Variants in NID1 observed in about 807,000 individuals in gnomAD.
NID1 encodes nidogen-1.
Under a neutral mutation model 130.6 loss-of-function variants are expected in NID1, and 76 were observed. The observed-to-expected ratio is 0.58, with a 90% confidence interval of 0.48 to 0.70. The LOEUF (loss-of-function observed/expected upper bound fraction) is 0.70, where lower values mean the gene tolerates loss of function less well. Ranked by LOEUF, NID1 falls within the 30% of genes least tolerant of loss-of-function variation. NID1 has a pLI of 0.00. For synonymous variants in NID1, 665 were observed against 675.1 expected, an observed-to-expected ratio of 0.98 and a Z score of 0.23; for missense variants, 1,517 against 1,664.8, an observed-to-expected ratio of 0.91 and a Z score of 1.54.
At chr1:235,991,285 G>A (rs1657730811) in intron 13 of NID1, among the ~76,000 whole-genome samples, 1 of 152,176 alleles carries the variant, frequency 6.6e-6, no homozygotes, top group Non-Finnish European at 1.5e-5. Context: ...GAGCACTGAT[G>A]AAGAAGGTAA....
At chr1:236,038,854 T>C (rs1478290149) in intron 4 of NID1, among the ~76,000 whole-genome samples, 1 of 128,902 alleles carries the variant, frequency 7.8e-6, no homozygotes, top group Non-Finnish European at 1.5e-5. Flanking sequence ...TTACCTATGT[T>C]ATATAGGTCA....
chr1:235,978,931 G>T, intron 19 of NID1, 64 bp downstream of exon 19: 1 of 1,105,146 alleles, frequency 9.0e-7, no homozygotes, highest in Non-Finnish European at 1.4e-6. Flanking sequence ...GTAGCAGCCA[G>T]AGTGTGGGCT....
intron 1 of NID1, among the ~76,000 whole-genome samples, chr1:236,064,156 C>T (rs1219793415): frequency 3.9e-5 from 6 of 152,188 alleles, no homozygotes; most frequent in African/African-American, 1.4e-4. Context: ...AAGTTGACAG[C>T]GACCCCAGGC....
intron 11 of NID1, 144 bp downstream of exon 11, chr1:236,013,267 T>C: frequency 1.1e-5 from 10 of 878,646 alleles, no homozygotes; most frequent in South Asian, 1.7e-5. Flanking sequence ...TAGAGAGATA[T>C]AAAAAGCAAC....
chr1:236,044,529 C>T (rs1659544470), intron 3 of NID1, among the ~76,000 whole-genome samples: 1 of 152,140 alleles, frequency 6.6e-6, no homozygotes, highest in Non-Finnish European at 1.5e-5. Flanking sequence ...ATTTACATCA[C>T]AGAAACAGGC....
chr1:235,978,055 T>G, intron 19 of NID1, 67 bp from the exon 20 acceptor site: 4 of 1,568,008 alleles, frequency 2.6e-6, no homozygotes, highest in Non-Finnish European at 3.5e-6. Context: ...TTTAAGATAG[T>G]GGGCTCCTTC....
In NID1 at chr1:235,979,968, A is replaced by C. The variant is rs764040797; in HGVS notation, c.3386-23T>G. 1 of 1,612,512 alleles carries C rather than the reference A, an allele frequency of 6.2e-7. No individual in the cohort carries two copies. Among genetic ancestry groups the C allele is most frequent in the Non-Finnish European group, 8.5e-7 (1 of 1,178,998 alleles). ...TGCCTGTGTGGAGTGGAAACAATTC[A>C]TTCATTGTTCACACAAGAAATGGCC... On this transcript the variant is annotated intron_variant, in intron 17 of 19. Transcript: ENST00000264187. The surrounding 1 kb of genome is among the most constrained non-coding windows in gnomAD (Gnocchi z 4.6).
chr1:236,034,526 G>T (rs539467261), intron 5 of NID1, among the ~76,000 whole-genome samples: 1 of 151,944 alleles, frequency 6.6e-6, no homozygotes, highest in Middle Eastern at 3.2e-3. Flanking sequence ...CTAAGGGAAA[G>T]AAGTCAGACA....
chr1:235,978,232 A>T (rs1482515624), intron 19 of NID1, among the ~76,000 whole-genome samples: 1 of 152,264 alleles, frequency 6.6e-6, no homozygotes, highest in Admixed American at 6.5e-5. Flanking sequence ...CAGATTTTCT[A>T]CTAAGGCTAT....
intron 9 of NID1, 98 bp from the exon 10 acceptor site, chr1:236,017,371 A>C: frequency 7.4e-7 from 1 of 1,358,878 alleles, no homozygotes; most frequent in East Asian, 2.4e-5. Flanking sequence ...GAATAGATCA[A>C]TTTTAAAACA....
intron 1 of NID1, among the ~76,000 whole-genome samples, chr1:236,063,418 G>A (rs139206298): frequency 6.6e-6 from 1 of 150,468 alleles, no homozygotes; most frequent in Non-Finnish European, 1.5e-5. Flanking sequence ...GTTGCAGTGA[G>A]CTGAGATTGT....
rs374023814 is a variant in NID1 at position 236,048,911 on chromosome 1, C to T, written c.304G>A (p.Gly102Ser). The part of the protein sequence containing the change: ...SHPGLFPPTF[G>S]AVAPFLADLD... ...TCCGCCAGGAAAGGGGCGACTGCACCGAATGTTGGTGGGAAGAGCCCGGGA... is the reference window on the plus strand; with the variant it reads ...TCCGCCAGGAAAGGGGCGACTGCACTGAATGTTGGTGGGAAGAGCCCGGGA... Residue 102 changes from glycine (G) to serine (S), a missense_variant, in exon 2 of 20, where the codon GGT becomes AGT. By Grantham distance (56) the Gly-to-Ser change is moderately conservative. Around this residue, in one of 3 missense-constraint regions of NID1, gnomAD observed 1,329 missense variants for 1,429.2 expected, o/e 0.93. Coordinates refer to ENST00000264187, the MANE Select transcript of NID1 (RefSeq NM_002508.3). 25 of 1,613,856 alleles carry T rather than the reference C, an allele frequency of 1.5e-5. No individual in the cohort carries two copies. Among genetic ancestry groups the T allele is most frequent in the South Asian group, 9.9e-5 (9 of 91,044 alleles).
chr1:236,029,886 G>A (rs1038415899), intron 6 of NID1, 136 bp from the exon 7 acceptor site: 12 of 755,308 alleles, frequency 1.6e-5, no homozygotes, highest in Non-Finnish European at 2.7e-5. Flanking sequence ...ACATAGAACT[G>A]GTGACACTGA....
chr1:236,030,881 A>T (rs1659078716), intron 6 of NID1, among the ~76,000 whole-genome samples: 1 of 152,198 alleles, frequency 6.6e-6, no homozygotes, highest in South Asian at 2.1e-4. Context: ...AAATAGCACC[A>T]ATATAAATTA....
At chr1:235,984,710 T>C (rs1439459914) in intron 15 of NID1, among the ~76,000 whole-genome samples, 1 of 152,136 alleles carries the variant, frequency 6.6e-6, no homozygotes, top group Non-Finnish European at 1.5e-5. Flanking sequence ...TTCAGCACAG[T>C]GGAATTTTTA....
chr1:236,046,625 G>A (rs1659609974), intron 2 of NID1, among the ~76,000 whole-genome samples: 1 of 152,090 alleles, frequency 6.6e-6, no homozygotes, highest in Non-Finnish European at 1.5e-5. Flanking sequence ...AAGAGCAAGG[G>A]CAAGGTCAGG....
chr1:236,061,953 G>A (rs573826011), intron 1 of NID1, among the ~76,000 whole-genome samples: 3 of 152,242 alleles, frequency 2.0e-5, no homozygotes, highest in Admixed American at 6.5e-5. Context: ...TCGAGAAATC[G>A]GAACCCTCAT....
intron 9 of NID1, among the ~76,000 whole-genome samples, chr1:236,023,746 A>T (rs935984646): frequency 6.6e-6 from 1 of 152,202 alleles, no homozygotes; most frequent in Non-Finnish European, 1.5e-5. Flanking sequence ...TGGGTAAATT[A>T]TAGCTATTGT....
At position 236,029,646 on chromosome 1, in the gene NID1, T is replaced by C; in HGVS notation, c.1642A>G (p.Ile548Val). Residue 548 changes from isoleucine (I) to valine (V), a missense_variant, in exon 7 of 20, where the codon ATC (isoleucine) becomes GTC (valine). Around this residue, in one of 3 missense-constraint regions of NID1, gnomAD observed 1,329 missense variants for 1,429.2 expected, o/e 0.93. Transcript: ENST00000264187. Reference sequence around the variant, plus strand: ...ACGCGGCCCTCCAGCTCCGTGTCGATGGTCAGGTGCCCATGCTCATCGATG... The same window carrying C: ...ACGCGGCCCTCCAGCTCCGTGTCGACGGTCAGGTGCCCATGCTCATCGATG... Reference protein sequence around the residue: ...SGIDEHGHLTIDTELEGRVPQ... With the variant: ...SGIDEHGHLTVDTELEGRVPQ... 2 of 1,613,492 alleles carry C rather than the reference T, an allele frequency of 1.2e-6. No homozygotes were observed. The highest frequency in any genetic ancestry group is 1.7e-6 in the Non-Finnish European group (2 of 1,179,856).
Sources: gnomAD v4.1 joint callset for allele counts (sites outside exome capture counted in the v4.1 genomes callset) on GRCh38, gnomAD v4.1.1 for gene constraint, gnomAD v4.1.1 regional missense constraint, Gnocchi (gnomAD v3.1) non-coding constraint, MANE v1.5 for transcripts, NCBI Gene and HGNC (gene_info 2026-07-23, HGNC 2026-07-21) for gene names.